Variants in RASAL2 observed in about 807,000 individuals in gnomAD.
The protein encoded by RASAL2 is ras GTPase-activating protein nGAP.
In RASAL2, 58 loss-of-function variants were observed where a neutral mutation model predicts 128.9. That is an observed-to-expected ratio of 0.45 (90% CI 0.36 to 0.56). RASAL2 has a LOEUF of 0.56. Among genes scored for constraint, RASAL2 ranks in the 20% least tolerant of loss-of-function variants. The pLI is 0.00. For synonymous variants in RASAL2, 561 were observed against 580.8 expected (o/e 0.97, Z 0.49); for missense variants, 1,360 against 1,601.6 (o/e 0.85, Z 2.57).
At chr1:178,384,991 C>T (rs1045005835) in intron 3 of RASAL2, among the ~76,000 whole-genome samples, 5 of 151,950 alleles carry the variant, frequency 3.3e-5, no homozygotes, top group African/African-American at 1.2e-4. Context: ...GATATTTGAC[C>T]GTATAGTAAT....
rs1018698556 is a variant in RASAL2, at chr1:178,313,416, TAA to T, written c.457+13301_457+13302del. Among the ~76,000 whole-genome samples the T allele has an allele frequency of 4.3e-4, 66 of 152,240 alleles. 3 individuals carry two copies. The highest frequency in any genetic ancestry group is 4.4e-5 in the Non-Finnish European group (3 of 67,988). ...GTTGCTTCTGCAGAAGGAAATGTGT[TAA>T]AAGAGGAGGGCTGGGTATTGCTGTT... On this transcript the variant is annotated intron_variant, in intron 3 of 17. Coordinates refer to ENST00000367649, the MANE Select transcript of RASAL2 (RefSeq NM_170692.4).
At chr1:178,300,855 T>TTTTCTA (rs1287995377) in intron 3 of RASAL2, among the ~76,000 whole-genome samples, 6 of 152,194 alleles carry the variant, frequency 3.9e-5, no homozygotes, top group Non-Finnish European at 5.9e-5. Context: ...AATGAAGCAA[T>TTTTCTA]TTGAAAAGTA....
chr1:178,248,040 A>T (rs1283249865), intron 1 of RASAL2, among the ~76,000 whole-genome samples: 4 of 152,202 alleles, frequency 2.6e-5, no homozygotes, highest in South Asian at 4.1e-4. Context: ...AAGAATGTAT[A>T]TTCTGTTGAG....
chr1:178,246,560 T>C (rs1664774351), intron 1 of RASAL2, among the ~76,000 whole-genome samples: 1 of 152,182 alleles, frequency 6.6e-6, no homozygotes, highest in African/African-American at 2.4e-5. Context: ...ACCCTTTATT[T>C]CTTTCTCTTG....
intron 1 of RASAL2, among the ~76,000 whole-genome samples, chr1:178,144,860 G>C (rs1396682113): frequency 6.6e-6 from 1 of 152,174 alleles, no homozygotes; most frequent in Non-Finnish European, 1.5e-5. Flanking sequence ...TAGATGACCA[G>C]AAAAATTTAG....
At chr1:178,211,402 C>T (rs1663252556) in intron 1 of RASAL2, among the ~76,000 whole-genome samples, 1 of 152,148 alleles carries the variant, frequency 6.6e-6, no homozygotes, top group Admixed American at 6.6e-5. Context: ...AAAGCACAAA[C>T]ATGATCACAT....
intron 1 of RASAL2, among the ~76,000 whole-genome samples, chr1:178,175,317 A>G (rs1009753871): frequency 6.6e-6 from 1 of 152,006 alleles, no homozygotes; most frequent in African/African-American, 2.4e-5. Context: ...GCAAGGGTTT[A>G]TGATGAAAGG....
chr1:178,142,281 G>A (rs757580655), intron 1 of RASAL2, among the ~76,000 whole-genome samples: 1 of 152,134 alleles, frequency 6.6e-6, no homozygotes, highest in Non-Finnish European at 1.5e-5. Context: ...ACTGGGTAGG[G>A]TCCTTCCCAG....
At chr1:178,260,169 G>A (rs1365649478) in intron 1 of RASAL2, among the ~76,000 whole-genome samples, 1 of 149,708 alleles carries the variant, frequency 6.7e-6, no homozygotes, top group Admixed American at 6.7e-5. Flanking sequence ...TGGCCAAGAT[G>A]GTGAAACTCC....
At chr1:178,456,401 G>T in intron 12 of RASAL2, 1 of 372,594 alleles carries the variant, frequency 2.7e-6, no homozygotes, top group Non-Finnish European at 5.0e-6. Context: ...AGTTTGCTTC[G>T]CATGCCTATT....
rs528562222 is a variant in RASAL2 at position 178,341,594 on chromosome 1, C to T, written c.457+41476C>T. The T allele has an allele frequency of 7.0e-4, 1,131 of 1,613,876 alleles. 13 individuals carry two copies. The South Asian group carries it at 0.012, about 17-fold the overall frequency. ...TGTTAGCACACCCAGAAACTTCACA[C>T]GATGCAGACCCCAGGTAAGAGTTTG... On this transcript the variant is annotated intron_variant, in intron 3 of 17. Coordinates refer to ENST00000367649, the MANE Select transcript of RASAL2 (RefSeq NM_170692.4).
At chr1:178,358,227 C>G (rs1371645337) in intron 3 of RASAL2, among the ~76,000 whole-genome samples, 24 of 107,262 alleles carry the variant, frequency 2.2e-4, no homozygotes, top group African/African-American at 8.5e-4. Flanking sequence ...CAGAGTGAGA[C>G]TCTGTCTCCT....
chr1:178,317,646 T>C (rs1668552493), intron 3 of RASAL2, among the ~76,000 whole-genome samples: 1 of 149,472 alleles, frequency 6.7e-6, no homozygotes, highest in Non-Finnish European at 1.5e-5. Flanking sequence ...ATATCCCCTT[T>C]ATCATTTCTT....
intron 1 of RASAL2, among the ~76,000 whole-genome samples, chr1:178,154,478 C>T (rs926704551): frequency 2.6e-5 from 4 of 152,124 alleles, no homozygotes; most frequent in African/African-American, 9.7e-5. Context: ...ATCTGCCAGA[C>T]TGTTTTCCAA....
chr1:178,190,635 A>AT (rs1662460256), intron 1 of RASAL2, among the ~76,000 whole-genome samples: 2 of 152,094 alleles, frequency 1.3e-5, no homozygotes, highest in Admixed American at 1.3e-4. Flanking sequence ...TGATCTAATG[A>AT]TTTTTGTGAA....
chr1:178,334,425 A>G lies in RASAL2; in HGVS notation c.457+34307A>G, dbSNP rs899559642. 1.1e-4 allele frequency among the ~76,000 whole-genome samples: 16 copies of G among 150,354 alleles called. 1 individual carries two copies. Among genetic ancestry groups the G allele is most frequent in the Admixed American group, 1.0e-3 (15 of 15,012 alleles). On this transcript the variant is annotated intron_variant, in intron 3 of 17. Transcript: ENST00000367649. ...ACTATCTCGGGTCACTGCAACCTCC[A>G]CCTCCTGGGTTCAAGCCATTCTCCT...
At chr1:178,143,207 CTT>C (rs1660597941) in intron 1 of RASAL2, among the ~76,000 whole-genome samples, 1 of 151,082 alleles carries the variant, frequency 6.6e-6, no homozygotes, top group Non-Finnish European at 1.5e-5. Context: ...ATTTAATTAT[CTT>C]TGATAATTTT....
At chr1:178,355,101 G>A (rs1368036312) in intron 3 of RASAL2, among the ~76,000 whole-genome samples, 1 of 152,190 alleles carries the variant, frequency 6.6e-6, no homozygotes, top group African/African-American at 2.4e-5. Context: ...TCCAGCCTGG[G>A]TGACAGAGCA....
intron 1 of RASAL2, among the ~76,000 whole-genome samples, chr1:178,138,978 G>C (rs965519484): frequency 6.6e-6 from 1 of 151,934 alleles, no homozygotes; most frequent in Non-Finnish European, 1.5e-5. Flanking sequence ...CACAAAGCAT[G>C]TTTTATTGGA....
Sources: gnomAD v4.1 joint callset for allele counts (sites outside exome capture counted in the v4.1 genomes callset) on GRCh38, gnomAD v4.1.1 for gene constraint, MANE v1.5 for transcripts, NCBI Gene and HGNC (gene_info 2026-07-23, HGNC 2026-07-21) for gene names.